Variants in ADAMTSL1 observed in about 807,000 individuals in gnomAD.
ADAMTSL1 encodes the protein ADAMTS-like protein 1.
ADAMTSL1 carries 126 observed loss-of-function variants against 201.8 expected under a neutral mutation model. The ratio of observed to expected loss-of-function variants is 0.62; its 90% CI spans 0.54 to 0.72. The LOEUF is 0.72. Among genes scored for constraint, ADAMTSL1 ranks in the 30% least tolerant of loss-of-function variants. ADAMTSL1 has a pLI of 0.00. For missense variants in ADAMTSL1, 2,679 were observed against 2,277.8 expected (o/e 1.18, Z -3.59); for synonymous variants, 1,121 against 903.4 (o/e 1.24, Z -4.32).
At chr9:18,514,324 T>TTTCC (rs1818226765) in intron 2 of ADAMTSL1, among the ~76,000 whole-genome samples, 1 of 143,682 alleles carries the variant, frequency 7.0e-6, no homozygotes, top group Non-Finnish European at 1.5e-5. Flanking sequence ...CTGATTTTTC[T>TTTCC]TTCTTTTTTT....
chr9:18,812,466 A>G (rs1823563111), intron 20 of ADAMTSL1, among the ~76,000 whole-genome samples: 1 of 152,220 alleles, frequency 6.6e-6, no homozygotes. Context: ...TAAAGGTAAA[A>G]TGTAAAACTA....
chr9:18,493,822 A>G (rs1047094889), intron 1 of ADAMTSL1, among the ~76,000 whole-genome samples: 7 of 152,204 alleles, frequency 4.6e-5, no homozygotes, highest in Admixed American at 1.3e-4. Flanking sequence ...TTAGACATTC[A>G]ACTGCAGTTT....
chr9:18,400,906 G>A (rs191269469), intron 2 of ADAMTSL1, among the ~76,000 whole-genome samples: 2 of 152,086 alleles, frequency 1.3e-5, no homozygotes, highest in Admixed American at 6.5e-5. Flanking sequence ...ATAACTGTAC[G>A]ATACCCTGGA....
chr9:18,467,689 C>G (rs1328782261), intron 2 of ADAMTSL1, among the ~76,000 whole-genome samples: 1 of 152,106 alleles, frequency 6.6e-6, no homozygotes, highest in African/African-American at 2.4e-5. Flanking sequence ...AAGGAGGGAC[C>G]TTCCATGCAG....
At chr9:18,182,286 A>G (rs77499022) in intron 2 of ADAMTSL1, among the ~76,000 whole-genome samples, 4 of 138,554 alleles carry the variant, frequency 2.9e-5, no homozygotes, top group Non-Finnish European at 6.4e-5. Flanking sequence ...CTTAAAGTAT[A>G]AAAAAAAAAA....
intron 3 of ADAMTSL1, among the ~76,000 whole-genome samples, chr9:18,533,895 G>C (rs764625718): frequency 1.3e-5 from 2 of 152,180 alleles, no homozygotes; most frequent in Non-Finnish European, 2.9e-5. Flanking sequence ...TAAAGGAAAA[G>C]GTGATTTGAG....
At chr9:18,682,612 T>C (rs1244413778) in intron 12 of ADAMTSL1, among the ~76,000 whole-genome samples, 2 of 152,224 alleles carry the variant, frequency 1.3e-5, no homozygotes, top group Admixed American at 6.5e-5. Flanking sequence ...GTATTGTTAC[T>C]TGTCTGTGTC....
intron 7 of ADAMTSL1, among the ~76,000 whole-genome samples, chr9:18,650,041 C>T (rs575678335): frequency 9.8e-5 from 15 of 152,358 alleles, no homozygotes; most frequent in Admixed American, 9.1e-4. Context: ...TGGTGGGCTC[C>T]ACCCAGTTCG....
chr9:18,643,469 T>C (rs1487007442), intron 7 of ADAMTSL1, among the ~76,000 whole-genome samples: 1 of 151,902 alleles, frequency 6.6e-6, no homozygotes, highest in Non-Finnish European at 1.5e-5. Context: ...TACTTTTGGG[T>C]CATATTCAAA....
At chr9:18,741,804 C>G (rs144995151) in intron 15 of ADAMTSL1, among the ~76,000 whole-genome samples, 4 of 152,296 alleles carry the variant, frequency 2.6e-5, no homozygotes, top group East Asian at 1.9e-4. Flanking sequence ...ATCTTCCCTT[C>G]TGTGAATCTA....
intron 1 of ADAMTSL1, among the ~76,000 whole-genome samples, chr9:18,053,054 TG>T (rs1009388384): frequency 6.6e-6 from 1 of 152,234 alleles, no homozygotes; most frequent in African/African-American, 2.4e-5. Flanking sequence ...TTTGTAATAC[TG>T]GGTCAAAATC....
At position 18,829,912 on chromosome 9, in the gene ADAMTSL1, C is replaced by T; in HGVS notation, c.4184C>T (p.Pro1395Leu). ...CTCGCTGCCACTGGACCGAACCTTC[C>T]TTCAGTGCTGACGTCTCCTCTGGGA... ...ALLAATGPNL[P>L]SVLTSPLGTQ... Residue 1395 changes from proline (P) to leucine (L), a missense_variant, in exon 23 of 29, where the codon CCT (proline) becomes CTT (leucine). By Grantham distance (98) the Pro-to-Leu change is moderately conservative. Transcript: ENST00000380548. The T allele has an allele frequency of 1.9e-6, 3 of 1,613,946 alleles. No individual in the cohort carries two copies. The highest frequency in any genetic ancestry group is 1.1e-5 in the South Asian group (1 of 91,068).
intron 23 of ADAMTSL1, among the ~76,000 whole-genome samples, chr9:18,876,378 A>G (rs1588288348): frequency 1.3e-5 from 2 of 149,162 alleles, no homozygotes; most frequent in Non-Finnish European, 1.5e-5. Flanking sequence ...ACAAAGTTCT[A>G]TTTTGGTGTA....
chr9:18,790,981 T>A (rs900935701), intron 19 of ADAMTSL1, among the ~76,000 whole-genome samples: 3 of 152,198 alleles, frequency 2.0e-5, no homozygotes, highest in Non-Finnish European at 2.9e-5. Context: ...AGGAATCCTA[T>A]AGGTTTTGTT....
chr9:18,866,043 GAATAC>G (rs766226049), intron 23 of ADAMTSL1, among the ~76,000 whole-genome samples: 48 of 144,680 alleles, frequency 3.3e-4, no homozygotes, highest in Non-Finnish European at 6.1e-4. Flanking sequence ...CAAAGGTGTG[GAATAC>G]ATTATTAGCA....
At chr9:18,538,949 C>T (rs911691683) in intron 3 of ADAMTSL1, among the ~76,000 whole-genome samples, 1 of 151,966 alleles carries the variant, frequency 6.6e-6, no homozygotes, top group Non-Finnish European at 1.5e-5. Flanking sequence ...AGAGAAATAC[C>T]CCTGAAGTCT....
chr9:18,621,268 C>T (rs1372112872), intron 4 of ADAMTSL1, among the ~76,000 whole-genome samples: 1 of 152,108 alleles, frequency 6.6e-6, no homozygotes, highest in African/African-American at 2.4e-5. Context: ...AGAGGAAAGA[C>T]ACAAATGGCA....
intron 4 of ADAMTSL1, among the ~76,000 whole-genome samples, chr9:18,603,540 C>T (rs138466542): frequency 6.6e-6 from 1 of 152,094 alleles, no homozygotes; most frequent in African/African-American, 2.4e-5. Context: ...GCCATAGGAC[C>T]AGCTGGTATT....
At chr9:18,185,527 G>A (rs1828694337) in intron 2 of ADAMTSL1, among the ~76,000 whole-genome samples, 1 of 152,056 alleles carries the variant, frequency 6.6e-6, no homozygotes, top group Non-Finnish European at 1.5e-5. Flanking sequence ...CTAAGTTTGT[G>A]GTAATTTGTT....
Sources: gnomAD v4.1 joint callset for allele counts (sites outside exome capture counted in the v4.1 genomes callset) on GRCh38, gnomAD v4.1.1 for gene constraint, MANE v1.5 for transcripts, NCBI Gene and HGNC (gene_info 2026-07-23, HGNC 2026-07-21) for gene names.